Variants in CCDC40 observed in about 807,000 individuals in gnomAD.
The protein encoded by CCDC40 is coiled-coil domain 40 molecular ruler complex subunit, also known as coiled-coil domain-containing protein 40.
A neutral mutation model predicts 124.5 loss-of-function variants in CCDC40; 104 were observed. The observed-to-expected ratio is 0.84, with a 90% confidence interval of 0.71 to 0.98. The LOEUF is 0.98. CCDC40 is among the 50% of genes least tolerant of loss of function. The pLI is 0.00. For missense variants in CCDC40, 1,463 were observed against 1,503.9 expected, an observed-to-expected ratio of 0.97 and a Z score of 0.45; for synonymous variants, 580 against 602.9, an observed-to-expected ratio of 0.96 and a Z score of 0.56.
intron 10 of CCDC40, among the ~76,000 whole-genome samples, chr17:80,073,986 G>A (rs1055381242): frequency 3.9e-5 from 6 of 152,098 alleles, no homozygotes; most frequent in Non-Finnish European, 7.4e-5. Flanking sequence ...GCTCCTGGCC[G>A]CCTCTCACTT....
intron 3 of CCDC40, among the ~76,000 whole-genome samples, chr17:80,045,263 G>A (rs545099208): frequency 6.6e-6 from 1 of 152,306 alleles, no homozygotes; most frequent in South Asian, 2.1e-4. Flanking sequence ...CTGACTTGTG[G>A]GGTTATGGCG....
At chr17:80,040,455 G>A in intron 3 of CCDC40, 185 bp downstream of exon 3, 1 of 623,376 alleles carries the variant, frequency 1.6e-6, no homozygotes, top group Non-Finnish European at 2.8e-6. Flanking sequence ...AAGGTGGGTG[G>A]GTCACCTGAG....
rs746632559 is a variant in CCDC40 at position 80,095,341 on chromosome 17, G to A, written c.2911G>A (p.Val971Ile). ...GTTGGCGGTTGCCCGCAGAGAGACC[G>A]TCACCACCCAGGCCGAGGGGCAGCG... is the stretch of plus-strand genomic sequence containing the variant. ...MELAVARRET[V>I]TTQAEGQRKM... The change falls in exon 18 of 20, where the codon GTC (valine) becomes ATC (isoleucine). Residue 971 changes from valine (V) to isoleucine (I), a missense_variant. By Grantham distance (29) the Val-to-Ile change is conservative. Transcript: ENST00000397545. 71 of 1,614,102 alleles carry A rather than the reference G, an allele frequency of 4.4e-5. No homozygotes were observed. The highest frequency in any genetic ancestry group is 2.0e-4 in the African/African-American group (15 of 75,076).
intron 7 of CCDC40, among the ~76,000 whole-genome samples, chr17:80,052,260 G>T (rs1289156670): frequency 5.3e-5 from 8 of 152,204 alleles, no homozygotes; most frequent in Admixed American, 4.6e-4. Context: ...TGCAGGCTGA[G>T]GAGCAAGGAG....
intron 10 of CCDC40, among the ~76,000 whole-genome samples, chr17:80,079,743 GA>G (rs2038402364): frequency 7.2e-6 from 1 of 138,134 alleles, no homozygotes; most frequent in African/African-American, 2.8e-5. Flanking sequence ...CCAACAGGGC[GA>G]AACCCTGTCT....
chr17:80,053,540 T>C (rs1371833715), intron 7 of CCDC40, among the ~76,000 whole-genome samples: 1 of 152,210 alleles, frequency 6.6e-6, no homozygotes, highest in Non-Finnish European at 1.5e-5. Context: ...TAAATTTAAA[T>C]AGCAGGATGT....
intron 7 of CCDC40, among the ~76,000 whole-genome samples, chr17:80,057,178 A>G (rs1306493743): frequency 1.3e-5 from 2 of 151,840 alleles, no homozygotes; most frequent in African/African-American, 4.8e-5. Flanking sequence ...CCCAGGCTGT[A>G]GTGCAGTGGC....
At position 80,097,232 on chromosome 17, in the gene CCDC40, G is replaced by C; in HGVS notation, c.3022-13G>C. The C allele has an allele frequency of 6.2e-7, 1 of 1,613,884 alleles. No homozygotes were observed. The highest frequency in any genetic ancestry group is 1.1e-5 in the South Asian group (1 of 91,090). The stretch of plus-strand genomic sequence containing the variant: ...GGCTGCAGGGGCCCAGCATGGTCCT[G>C]TGATTCTCCTAGGCCACCGATGAGT... On this transcript the variant is annotated splice_polypyrimidine_tract_variant and intron_variant, in intron 18 of 19. Transcript: ENST00000397545.
rs878855042 is a variant in CCDC40 at position 80,095,281 on chromosome 17, C to CT, written c.2852dup (p.Lys952GlufsTer46). 4 of 1,613,934 alleles carry CT rather than the reference C, an allele frequency of 2.5e-6. No homozygotes were observed. The highest frequency in any genetic ancestry group is 3.4e-6 in the Non-Finnish European group (4 of 1,180,032). On this transcript the variant is annotated frameshift_variant, in exon 18 of 20. Transcript: ENST00000397545. LOFTEE classifies it high-confidence loss of function. The stretch of plus-strand genomic sequence containing the variant: ...CTCCCAGGTCAGGCTCGGGCAGCTG[C>CT]TGAAGCAGCAGGAGAAGATGATCCG...
At chr17:80,056,598 A>T (rs1373218141) in intron 7 of CCDC40, among the ~76,000 whole-genome samples, 1 of 152,178 alleles carries the variant, frequency 6.6e-6, no homozygotes, top group African/African-American at 2.4e-5. Flanking sequence ...TGGGTGACAA[A>T]GTGACACCCT....
chr17:80,036,961 TC>T, intron 1 of CCDC40, among the ~76,000 whole-genome samples: 1 of 151,788 alleles, frequency 6.6e-6, no homozygotes, highest in Non-Finnish European at 1.5e-5. Flanking sequence ...AGCGCGCGAC[TC>T]CCTCTAAAAC....
chr17:80,051,379 T>C (rs8071959), intron 7 of CCDC40: 159,025 of 693,816 alleles, frequency 0.23, 23,463 homozygotes, highest in African/African-American at 0.63. Flanking sequence ...CCTGTAATCC[T>C]AGCACTTTGG....
In CCDC40 at chr17:80,050,163, A is replaced by C. The variant is rs756895303; in HGVS notation, c.1039A>C (p.Lys347Gln). 1.2e-6 allele frequency: 2 copies of C among 1,613,522 alleles called. No homozygotes were observed. Among genetic ancestry groups the C allele is most frequent in the East Asian group, 4.5e-5 (2 of 44,856 alleles). Residue 347 changes from lysine to glutamine, a missense_variant, in exon 7 of 20, where the codon AAG (lysine) becomes CAG (glutamine). By Grantham distance (53) the Lys-to-Gln change is moderately conservative (BLOSUM62 1). Coordinates refer to ENST00000397545, the MANE Select transcript of CCDC40 (RefSeq NM_017950.4). ...HLVHLQKLLE[K>Q]SHDRHAMASS... is the part of the protein sequence containing the mutation. Reference sequence around the variant, plus strand: ...GGTACACCTGCAGAAGCTGCTGGAGAAGAGTCACGACCGCCACGCAATGGC... The same window carrying C: ...GGTACACCTGCAGAAGCTGCTGGAGCAGAGTCACGACCGCCACGCAATGGC...
chr17:80,047,209 A>C (rs1598483847), intron 3 of CCDC40, 70 bp from the exon 4 acceptor site: 2 of 1,508,850 alleles, frequency 1.3e-6, no homozygotes, highest in Non-Finnish European at 1.8e-6. Flanking sequence ...AAATGTAATG[A>C]GTTAAAATTG....
At chr17:80,051,024 G>C (rs1263295558) in intron 7 of CCDC40, among the ~76,000 whole-genome samples, 1 of 152,200 alleles carries the variant, frequency 6.6e-6, no homozygotes, top group East Asian at 1.9e-4. Flanking sequence ...TGAGACAGTG[G>C]GGGCTACAGC....
intron 7 of CCDC40, among the ~76,000 whole-genome samples, chr17:80,057,586 C>A (rs779360743): frequency 2.6e-5 from 4 of 152,000 alleles, no homozygotes; most frequent in Admixed American, 6.6e-5. Flanking sequence ...CTTTAGAAAT[C>A]CATCTCATGG....
At chr17:80,044,499 C>T (rs2037362217) in intron 3 of CCDC40, among the ~76,000 whole-genome samples, 1 of 152,024 alleles carries the variant, frequency 6.6e-6, no homozygotes, top group Non-Finnish European at 1.5e-5. Context: ...GCTTAACCAA[C>T]ATGGCGAGAC....
chr17:80,040,169 T>A lies in CCDC40; in HGVS notation c.451T>A (p.Ser151Thr). ...FQQEATGPPE[S>T]RERRVTSPEP... ...GCAAGAGGCCACCGGTCCACCAGAA[T>A]CCAGAGAAAGGAGGGTCACCTCCCC... is the stretch of plus-strand genomic sequence containing the variant. The change falls in exon 3 of 20, where the codon TCC becomes ACC. Residue 151 changes from serine to threonine, a missense_variant. Coordinates refer to ENST00000397545, the MANE Select transcript of CCDC40 (RefSeq NM_017950.4). 1 of 1,613,856 alleles carries A rather than the reference T, an allele frequency of 6.2e-7. No individual in the cohort carries two copies. Among genetic ancestry groups the A allele is most frequent in the Non-Finnish European group, 8.5e-7 (1 of 1,179,838 alleles).
In CCDC40 at chr17:80,088,052, C is replaced by T. The variant is rs2038627052; in HGVS notation, c.2661C>T (p.Asn887=). ...CCATCAAGATGCAGGACAAGCTGAA[C>T]CAGCTCAGCGAGGAGAAGGCGACCC... ...RETIKMQDKL[N]QLSEEKATLL... The change falls in exon 16 of 20, where the codon AAC becomes AAT. Residue 887 remains asparagine, a synonymous_variant. Transcript: ENST00000397545. 1 of 1,612,312 alleles carries T rather than the reference C, an allele frequency of 6.2e-7. No homozygotes were observed. Among genetic ancestry groups the T allele is most frequent in the Non-Finnish European group, 8.5e-7 (1 of 1,179,154 alleles).
Sources: allele counts gnomAD v4.1 joint callset (sites outside exome capture counted in the v4.1 genomes callset), GRCh38; gene constraint gnomAD v4.1.1; transcripts MANE v1.5; gene names NCBI Gene and HGNC (gene_info 2026-07-23, HGNC 2026-07-21).